NOL4: variants seen among roughly 807,000 people sequenced by gnomAD.
The protein encoded by NOL4 is cancer/testis antigen 125.
Under a neutral mutation model 75.9 loss-of-function variants are expected in NOL4, and 17 were observed. The observed-to-expected ratio is 0.22, with a 90% CI of 0.15 to 0.34. The LOEUF (loss-of-function observed/expected upper bound fraction) is 0.34, where lower values mean the gene tolerates loss of function less well. NOL4 is among the 10% of genes least tolerant of loss of function. The pLI is 1.00. For missense variants in NOL4, 614 were observed against 793.5 expected, an observed-to-expected ratio of 0.77 and a Z score of 2.72; for synonymous variants, 292 against 289.9, an observed-to-expected ratio of 1.01 and a Z score of -0.07.
intron 1 of NOL4, among the ~76,000 whole-genome samples, chr18:34,154,710 T>G (rs1194980327): frequency 6.6e-6 from 1 of 151,928 alleles, no homozygotes; most frequent in Non-Finnish European, 1.5e-5. Flanking sequence ...ATATATATCT[T>G]TGTAAAATGT....
chr18:34,061,240 T>C (rs937612716), intron 5 of NOL4, among the ~76,000 whole-genome samples: 2 of 152,180 alleles, frequency 1.3e-5, no homozygotes, highest in East Asian at 1.9e-4. Flanking sequence ...ATCATAGATA[T>C]ATGAAAGATA....
chr18:34,187,703 T>A (rs1190428590), intron 1 of NOL4, among the ~76,000 whole-genome samples: 2 of 152,206 alleles, frequency 1.3e-5, no homozygotes, highest in Admixed American at 1.3e-4. Flanking sequence ...TTCTTTTTAA[T>A]GCTAAAATAT....
chr18:33,913,331 G>T (rs2066519913), intron 9 of NOL4, among the ~76,000 whole-genome samples: 1 of 152,012 alleles, frequency 6.6e-6, no homozygotes, highest in Non-Finnish European at 1.5e-5. Flanking sequence ...GTAACAAAGG[G>T]GATAGGGCTT....
In NOL4 at chr18:33,943,194, G is replaced by T. The variant is rs750017572; in HGVS notation, c.1429-16C>A. 9 of 1,533,644 alleles carry T rather than the reference G, an allele frequency of 5.9e-6. No individual in the cohort carries two copies. Among genetic ancestry groups the T allele is most frequent in the Non-Finnish European group, 8.1e-6 (9 of 1,114,548 alleles). ...TAGGTCGAGACTAAAAAAAAAAAGA[G>T]AAAAGTATGAAAAAAATTATTAACA... On this transcript the variant is annotated splice_polypyrimidine_tract_variant and intron_variant, in intron 8 of 10. Coordinates refer to ENST00000261592, the MANE Select transcript of NOL4 (RefSeq NM_003787.5).
chr18:34,051,011 CA>C (rs1440867868), intron 5 of NOL4, among the ~76,000 whole-genome samples: 2 of 152,040 alleles, frequency 1.3e-5, no homozygotes, highest in African/African-American at 2.4e-5. Context: ...CTCTCTGCTT[CA>C]GTTTTCTCAC....
intron 5 of NOL4, among the ~76,000 whole-genome samples, chr18:34,037,825 G>C (rs1229870294): frequency 2.0e-5 from 3 of 151,916 alleles, no homozygotes; most frequent in Non-Finnish European, 4.4e-5. Flanking sequence ...AACATTTCAA[G>C]ACTGGTCTAG....
intron 1 of NOL4, among the ~76,000 whole-genome samples, chr18:34,162,669 G>A (rs1011582561): frequency 3.9e-5 from 6 of 152,144 alleles, no homozygotes; most frequent in Non-Finnish European, 7.3e-5. Context: ...GGTACAAGGA[G>A]GAACTGGTAC....
intron 6 of NOL4, among the ~76,000 whole-genome samples, chr18:33,985,225 A>G (rs942082250): frequency 6.6e-6 from 1 of 152,172 alleles, no homozygotes; most frequent in Non-Finnish European, 1.5e-5. Flanking sequence ...CTAAATGTTT[A>G]CCACAGTTGT....
chr18:34,070,604 C>T (rs961243603), intron 5 of NOL4, among the ~76,000 whole-genome samples: 1 of 152,146 alleles, frequency 6.6e-6, no homozygotes, highest in Non-Finnish European at 1.5e-5. Flanking sequence ...GTTATACAGT[C>T]AGTGAAAACA....
At chr18:33,983,074 A>G (rs965501482) in intron 6 of NOL4, among the ~76,000 whole-genome samples, 4 of 151,968 alleles carry the variant, frequency 2.6e-5, no homozygotes, top group African/African-American at 4.8e-5. Flanking sequence ...GCATATTACT[A>G]AGTGAAATAA....
At chr18:34,048,506 G>T (rs1017414826) in intron 5 of NOL4, 110 of 985,264 alleles carry the variant, frequency 1.1e-4, no homozygotes, top group Non-Finnish European at 1.3e-4. Flanking sequence ...TGCAGATCCA[G>T]CATCCCTCAG....
chr18:33,863,759 G>A (rs1045948547), intron 10 of NOL4, among the ~76,000 whole-genome samples: 2 of 152,094 alleles, frequency 1.3e-5, no homozygotes, highest in African/African-American at 4.8e-5. Context: ...CCCTCTTCTA[G>A]GCAGTGCTCC....
rs546310973 is a variant in NOL4, at chr18:34,113,649, A to C, written c.415-8489T>G. ...GAGACAGTGCCTCTTAAAAAAAAAAAATTAAAACAGTGTCCTGTCTTTGGA... is the reference window on the plus strand; with the variant it reads ...GAGACAGTGCCTCTTAAAAAAAAAACATTAAAACAGTGTCCTGTCTTTGGA... On this transcript the variant is annotated intron_variant, in intron 2 of 10. Transcript: ENST00000261592. 3.5e-3 allele frequency among the ~76,000 whole-genome samples: 537 copies of C among 152,214 alleles called. 2 individuals are homozygous for C. Among genetic ancestry groups the C allele is most frequent in the African/African-American group, 0.012 (507 of 41,516 alleles).
chr18:34,222,315 T>C (rs966619030), intron 1 of NOL4: 15 of 1,305,196 alleles, frequency 1.1e-5, no homozygotes, highest in African/African-American at 1.5e-5. Context: ...GCGGCTTTAT[T>C]TGTGGAAGAG....
chr18:33,959,777 C>T (rs1421490455), intron 6 of NOL4, among the ~76,000 whole-genome samples: 1 of 151,984 alleles, frequency 6.6e-6, no homozygotes, highest in Non-Finnish European at 1.5e-5. Flanking sequence ...AAGGATTATC[C>T]TCCAGATTCT....
intron 6 of NOL4, among the ~76,000 whole-genome samples, chr18:33,980,889 T>C (rs1381423553): frequency 1.3e-5 from 2 of 152,020 alleles, no homozygotes; most frequent in African/African-American, 4.8e-5. Flanking sequence ...ATGTTGAAAT[T>C]ATCATGCAAT....
intron 6 of NOL4, 143 bp from the exon 7 acceptor site, chr18:33,958,561 TA>T: frequency 1.7e-6 from 1 of 578,168 alleles, no homozygotes; most frequent in Non-Finnish European, 2.7e-6. Flanking sequence ...TTAGTTTAAA[TA>T]AAAATTAATT....
At position 34,102,610 on chromosome 18, in the gene NOL4, A is replaced by AT. The variant is rs938811045; in HGVS notation, c.639+1436dup. Among the ~76,000 whole-genome samples the AT allele has an allele frequency of 1.3e-5, 2 of 151,964 alleles. 1 individual carries two copies. Among genetic ancestry groups the AT allele is most frequent in the East Asian group, 3.9e-4 (2 of 5,190 alleles). On this transcript the variant is annotated intron_variant, in intron 4 of 10. Transcript: ENST00000261592. ...ATTTCTTTTGTGTAAAATACTTATGATTTTTTAGAAGCCAGAAGGGATCAG... is the reference window on the plus strand; with the variant it reads ...ATTTCTTTTGTGTAAAATACTTATGATTTTTTTAGAAGCCAGAAGGGATCAG...
chr18:34,030,539 T>G (rs950934907), intron 5 of NOL4, among the ~76,000 whole-genome samples: 7 of 152,290 alleles, frequency 4.6e-5, no homozygotes, highest in African/African-American at 1.7e-4. Flanking sequence ...TATAATAATC[T>G]TCAAAAATTG....
Sources: allele counts gnomAD v4.1 joint callset (sites outside exome capture counted in the v4.1 genomes callset), GRCh38; gene constraint gnomAD v4.1.1; transcripts MANE v1.5; gene names NCBI Gene and HGNC (gene_info 2026-07-23, HGNC 2026-07-21).